The following MICU1 variants were observed in gnomAD, a reference collection of about 807,000 sequenced individuals.
MICU1 encodes mitochondrial calcium uptake 1.
A neutral mutation model predicts 56.8 loss-of-function variants in MICU1; 45 were observed. The observed-to-expected ratio is 0.79, with a 90% CI of 0.62 to 1.02. The LOEUF (loss-of-function observed/expected upper bound fraction) is 1.02, where lower values mean the gene tolerates loss of function less well. Among genes scored for constraint, MICU1 ranks in the 50% least tolerant of loss-of-function variants. MICU1 has a pLI of 0.00. For synonymous variants in MICU1, 186 were observed against 195.1 expected (o/e 0.95, Z 0.39); for missense variants, 504 against 587.1 (o/e 0.86, Z 1.46).
At chr10:72,489,348 CTT>C (rs1161836693) in intron 6 of MICU1, among the ~76,000 whole-genome samples, 2 of 150,974 alleles carry the variant, frequency 1.3e-5, no homozygotes, top group African/African-American at 2.4e-5. Flanking sequence ...AAGGAACTAA[CTT>C]ATATATCTTA....
At chr10:72,431,795 C>T (rs1167290451) in intron 8 of MICU1, among the ~76,000 whole-genome samples, 2 of 152,096 alleles carry the variant, frequency 1.3e-5, no homozygotes, top group Non-Finnish European at 2.9e-5. Flanking sequence ...AAATTAATTT[C>T]CAGAAAAATG....
intron 10 of MICU1, among the ~76,000 whole-genome samples, chr10:72,401,218 T>C (rs74438436): frequency 0.071 from 10,882 of 152,244 alleles, 1,331 homozygotes; most frequent in African/African-American, 0.25. Flanking sequence ...TATTTGCAGA[T>C]GGAATGATCT....
At chr10:72,597,943 A>G (rs539943078) in intron 1 of MICU1, among the ~76,000 whole-genome samples, 1 of 152,228 alleles carries the variant, frequency 6.6e-6, no homozygotes, top group South Asian at 2.1e-4. Context: ...CAGATTTGGG[A>G]GCATTTCAGA....
intron 1 of MICU1, among the ~76,000 whole-genome samples, chr10:72,582,470 T>C (rs1275233543): frequency 6.6e-6 from 1 of 152,196 alleles, no homozygotes; most frequent in East Asian, 1.9e-4. Flanking sequence ...CTGGGAGCAA[T>C]GGCTCATGCC....
rs111608577 is a variant in MICU1, at chr10:72,573,834, A to G, written c.-1-7040T>C. On this transcript the variant is annotated intron_variant, in intron 1 of 11. Transcript: ENST00000361114. ...CCCCACCACTGAGCTCAGGCCCAAT[A>G]ATGTCTCAACAATCAAGGCACATTA... 2.8e-3 allele frequency among the ~76,000 whole-genome samples: 424 copies of G among 152,288 alleles called. 1 individual carries two copies. The highest frequency in any genetic ancestry group is 9.7e-3 in the African/African-American group (404 of 41,564).
chr10:72,564,103 T>C (rs990449797), intron 2 of MICU1, among the ~76,000 whole-genome samples: 4 of 152,100 alleles, frequency 2.6e-5, no homozygotes. Context: ...ACTGATGAAA[T>C]ACAAAAAGAA....
chr10:72,523,377 C>T (rs149730690), intron 5 of MICU1, among the ~76,000 whole-genome samples: 16 of 152,244 alleles, frequency 1.1e-4, no homozygotes, highest in African/African-American at 3.6e-4. Context: ...ATAATGGAAT[C>T]GTCTATACGT....
chr10:72,580,280 T>A (rs1389218010), intron 1 of MICU1, among the ~76,000 whole-genome samples: 4 of 152,060 alleles, frequency 2.6e-5, no homozygotes. Context: ...CACTATTCCA[T>A]CCAATGTTAT....
chr10:72,523,581 G>C (rs1867885482), intron 5 of MICU1, among the ~76,000 whole-genome samples: 1 of 152,052 alleles, frequency 6.6e-6, no homozygotes, highest in Non-Finnish European at 1.5e-5. Flanking sequence ...TAAAAATAAA[G>C]AGCACCCTGT....
chr10:72,433,429 A>ATTT (rs1230364146), intron 8 of MICU1, among the ~76,000 whole-genome samples: 2 of 120,770 alleles, frequency 1.7e-5, no homozygotes, highest in African/African-American at 3.0e-5. Context: ...GTATTTTTGT[A>ATTT]TTTTTTTTTT....
chr10:72,389,684 G>T (rs994273132), intron 10 of MICU1, among the ~76,000 whole-genome samples: 3 of 152,138 alleles, frequency 2.0e-5, no homozygotes. Context: ...GAACCCACAG[G>T]TTTACTGCAT....
chr10:72,550,881 T>C (rs985915200), intron 4 of MICU1, among the ~76,000 whole-genome samples: 6 of 152,224 alleles, frequency 3.9e-5, no homozygotes, highest in African/African-American at 1.4e-4. Context: ...AAAGAGTGAC[T>C]TGATAGCAGT....
At chr10:72,583,654 G>A (rs1181107290) in intron 1 of MICU1, among the ~76,000 whole-genome samples, 5 of 152,132 alleles carry the variant, frequency 3.3e-5, no homozygotes, top group East Asian at 3.8e-4. Context: ...CGAGGAATGG[G>A]ATAAGCTACT....
At chr10:72,542,737 A>G (rs1043538319) in intron 4 of MICU1, among the ~76,000 whole-genome samples, 1 of 152,224 alleles carries the variant, frequency 6.6e-6, no homozygotes, top group Non-Finnish European at 1.5e-5. Context: ...GCAAGGGCAA[A>G]GGGCCAGTGT....
chr10:72,582,196 T>C (rs1208311908), intron 1 of MICU1, among the ~76,000 whole-genome samples: 2 of 152,236 alleles, frequency 1.3e-5, no homozygotes, highest in African/African-American at 4.8e-5. Flanking sequence ...CCCAAAGTGC[T>C]GAGATTACAG....
At chr10:72,370,087 CA>C (rs1862281523) in intron 11 of MICU1, among the ~76,000 whole-genome samples, 1 of 152,126 alleles carries the variant, frequency 6.6e-6, no homozygotes, top group Admixed American at 6.5e-5. Flanking sequence ...CCGTGTTAGC[CA>C]GGATGGTCTC....
chr10:72,497,405 CATG>C (rs767526267), intron 6 of MICU1, among the ~76,000 whole-genome samples: 2 of 152,006 alleles, frequency 1.3e-5, no homozygotes, highest in African/African-American at 2.4e-5. Flanking sequence ...TAAGCAACAC[CATG>C]ATAAGACGTA....
chr10:72,513,187 C>T (rs931525058), intron 5 of MICU1, among the ~76,000 whole-genome samples: 2 of 152,242 alleles, frequency 1.3e-5, no homozygotes, highest in Non-Finnish European at 2.9e-5. Flanking sequence ...TAAGAGGATT[C>T]CACATTCTCC....
chr10:72,536,610 C>G (rs1839643351), intron 4 of MICU1, among the ~76,000 whole-genome samples: 1 of 152,022 alleles, frequency 6.6e-6, no homozygotes, highest in Non-Finnish European at 1.5e-5. Flanking sequence ...CTCAGCCTCC[C>G]AAAGTGCTGG....
Sources: allele counts gnomAD v4.1 joint callset (sites outside exome capture counted in the v4.1 genomes callset), GRCh38; gene constraint gnomAD v4.1.1; transcripts MANE v1.5; gene names NCBI Gene and HGNC (gene_info 2026-07-23, HGNC 2026-07-21).